SYTL3: variants seen among roughly 807,000 people sequenced by gnomAD.
SYTL3 encodes synaptotagmin-like protein 3.
In SYTL3, 88 loss-of-function variants were observed where a neutral mutation model predicts 82.1. The observed-to-expected ratio is 1.07, with a 90% CI of 0.90 to 1.28. SYTL3 has a LOEUF of 1.28. SYTL3 is among the 50% of genes most tolerant of loss of function. The probability of loss-of-function intolerance (pLI) is 0.00; values close to 1 mark genes in which losing one functional copy is unlikely to be tolerated. For synonymous variants in SYTL3, 311 were observed against 289.4 expected, an observed-to-expected ratio of 1.07 and a Z score of -0.76; for missense variants, 831 against 757.6, an observed-to-expected ratio of 1.10 and a Z score of -1.14.
chr6:158,649,101 AG>A (rs1186409650), upstream of SYTL3, among the ~76,000 whole-genome samples: 1 of 152,236 alleles, frequency 6.6e-6, no homozygotes, highest in Non-Finnish European at 1.5e-5. Context: ...GTGGTATAGC[AG>A]GGCCTCCGCT....
chr6:158,668,551 A>G (rs762370713), intron 5 of SYTL3, among the ~76,000 whole-genome samples: 13 of 152,216 alleles, frequency 8.5e-5, no homozygotes, highest in Non-Finnish European at 1.6e-4. Context: ...AAAGCCACTT[A>G]GAAGAGCTTG....
At chr6:158,667,848 T>C (rs1331460880) in intron 5 of SYTL3, among the ~76,000 whole-genome samples, 1 of 152,156 alleles carries the variant, frequency 6.6e-6, no homozygotes, top group African/African-American at 2.4e-5. Flanking sequence ...CAGAAGACAT[T>C]TAAGATAAAG....
At chr6:158,653,694 G>A (rs1444056219) in intron 2 of SYTL3, among the ~76,000 whole-genome samples, 2 of 152,188 alleles carry the variant, frequency 1.3e-5, no homozygotes, top group African/African-American at 2.4e-5. Context: ...GCTGCCGCCC[G>A]CTTGAAATGA....
At chr6:158,679,969 G>C (rs1428233691) in intron 5 of SYTL3, among the ~76,000 whole-genome samples, 1 of 152,190 alleles carries the variant, frequency 6.6e-6, no homozygotes. Flanking sequence ...GGGCCCAGTG[G>C]TAACGGGCTG....
At chr6:158,719,073 A>G (rs1365137476) in intron 10 of SYTL3, among the ~76,000 whole-genome samples, 1 of 152,216 alleles carries the variant, frequency 6.6e-6, no homozygotes, top group African/African-American at 2.4e-5. Flanking sequence ...TGAAGATGAT[A>G]ATACCTGTTC....
In SYTL3 at chr6:158,745,580, A is replaced by C; in HGVS notation, c.956A>C (p.Lys319Thr). ...GAATTTGCCATTCATTATTGCTTCA[A>C]AACCCATTCTTTAGAAATATGCATC... is the stretch of plus-strand genomic sequence containing the variant. ...EIEFAIHYCFKTHSLEICIKA... is the reference protein window; with the variant it reads ...EIEFAIHYCFTTHSLEICIKA... Residue 319 changes from lysine to threonine, a missense_variant, in exon 12 of 18, where the codon AAA (lysine) becomes ACA (threonine). Lys to Thr is a moderately conservative substitution (Grantham distance 78). Coordinates refer to ENST00000611299, the MANE Select transcript of SYTL3 (RefSeq NM_001242394.2). The C allele has an allele frequency of 6.2e-7, 1 of 1,613,898 alleles. No homozygotes were observed. Among genetic ancestry groups the C allele is most frequent in the Non-Finnish European group, 8.5e-7 (1 of 1,179,962 alleles).
rs543904134 is a variant in SYTL3, at chr6:158,678,727, G to A, written c.330-4198G>A. The stretch of plus-strand genomic sequence containing the variant: ...TTCTAGTGATCCTCATGCAGTTAAT[G>A]TGAAGGTCAGTCATGGGTCAGGTCT... On this transcript the variant is annotated intron_variant, in intron 5 of 17. Transcript: ENST00000611299. Among the ~76,000 whole-genome samples, 10 of 152,300 alleles carry A rather than the reference G, an allele frequency of 6.6e-5. No homozygotes were observed. The South Asian group carries it at 2.1e-3, about 32-fold the overall frequency.
Position 158,665,574 on chromosome 6 carries a change from G to A in SYTL3, c.290G>A (p.Gly97Glu). 1.2e-5 allele frequency: 19 copies of A among 1,578,410 alleles called. No individual in the cohort carries two copies. The highest frequency in any genetic ancestry group is 1.5e-5 in the Non-Finnish European group (17 of 1,162,536). The change falls in exon 5 of 18, where the codon GGG becomes GAG. Residue 97 changes from glycine (G) to glutamate (E), a missense_variant. Physicochemically the swap from Gly to Glu is moderately conservative, Grantham distance 98. Coordinates refer to ENST00000611299, the MANE Select transcript of SYTL3 (RefSeq NM_001242394.2). ...VCAQCRVFLR[G>E]THAWKCTVCF... is the part of the protein sequence containing the mutation. The stretch of plus-strand genomic sequence containing the variant: ...GCCCAGTGCCGAGTGTTCCTGAGGG[G>A]GACCCATGCCTGGAAGTGCACGGTG...
At chr6:158,655,731 ACCG>A (rs1788595016) in intron 2 of SYTL3, among the ~76,000 whole-genome samples, 1 of 152,112 alleles carries the variant, frequency 6.6e-6, no homozygotes, top group South Asian at 2.1e-4. Context: ...TCATCATAGC[ACCG>A]CCGTGAAGTG....
At chr6:158,753,531 C>A (rs1205971923) in intron 13 of SYTL3, among the ~76,000 whole-genome samples, 1 of 151,458 alleles carries the variant, frequency 6.6e-6, no homozygotes, top group African/African-American at 2.4e-5. Flanking sequence ...GAGATCGAGA[C>A]CATCCTGGCT....
intron 14 of SYTL3, among the ~76,000 whole-genome samples, chr6:158,758,576 G>A (rs1298080610): frequency 6.6e-6 from 1 of 152,176 alleles, no homozygotes; most frequent in Non-Finnish European, 1.5e-5. Flanking sequence ...AGCGCAGCTG[G>A]GATTCGCATT....
intron 11 of SYTL3, 57 bp downstream of exon 11, chr6:158,725,694 G>A: frequency 1.9e-6 from 3 of 1,590,776 alleles, no homozygotes; most frequent in Admixed American, 1.8e-5. Context: ...TTTTTGGAAA[G>A]CATAATGTAC....
intron 6 of SYTL3, among the ~76,000 whole-genome samples, chr6:158,684,210 G>A (rs1424295616): frequency 6.6e-6 from 1 of 152,196 alleles, no homozygotes; most frequent in Non-Finnish European, 1.5e-5. Flanking sequence ...TATTGGTGGT[G>A]ACACTCAATC....
intron 5 of SYTL3, among the ~76,000 whole-genome samples, chr6:158,679,633 A>G (rs1485545693): frequency 3.3e-5 from 5 of 152,222 alleles, no homozygotes; most frequent in Admixed American, 2.0e-4. Flanking sequence ...CCAAATCTCT[A>G]TATGCCAAAT....
chr6:158,666,370 A>G (rs1790052901), intron 5 of SYTL3, among the ~76,000 whole-genome samples: 1 of 152,186 alleles, frequency 6.6e-6, no homozygotes, highest in Non-Finnish European at 1.5e-5. Context: ...ATTGGTGTTT[A>G]GGGGGTTTTA....
intron 12 of SYTL3, 63 bp from the exon 13 acceptor site, chr6:158,751,865 C>A (rs1187437199): frequency 7.8e-7 from 1 of 1,285,952 alleles, no homozygotes; most frequent in South Asian, 1.4e-5. Flanking sequence ...CTGCTGCCCC[C>A]AAACTCTTTA....
At chr6:158,679,382 A>AG (rs1214685496) in intron 5 of SYTL3, among the ~76,000 whole-genome samples, 2 of 152,036 alleles carry the variant, frequency 1.3e-5, no homozygotes, top group South Asian at 2.1e-4. Flanking sequence ...AGAAAAAAAA[A>AG]AAGTCTTGGG....
At chr6:158,751,630 A>G (rs940640418) in intron 12 of SYTL3, among the ~76,000 whole-genome samples, 10 of 152,142 alleles carry the variant, frequency 6.6e-5, no homozygotes, top group African/African-American at 2.4e-4. Context: ...CTCTAGTTCC[A>G]TGGTCTTCGC....
chr6:158,739,355 CTT>C (rs919107565), intron 11 of SYTL3, among the ~76,000 whole-genome samples: 6 of 152,000 alleles, frequency 3.9e-5, no homozygotes, highest in African/African-American at 1.4e-4. Context: ...AAGATTTTCT[CTT>C]TGTCTTTGAT....
Sources: allele counts gnomAD v4.1 joint callset (sites outside exome capture counted in the v4.1 genomes callset), GRCh38; gene constraint gnomAD v4.1.1; transcripts MANE v1.5; gene names NCBI Gene and HGNC (gene_info 2026-07-23, HGNC 2026-07-21).